Variants in PTPRR observed in about 807,000 individuals in gnomAD.
The protein encoded by PTPRR is protein tyrosine phosphatase receptor type R.
Under a neutral mutation model 77.2 loss-of-function variants are expected in PTPRR, and 38 were observed. The ratio of observed to expected loss-of-function variants is 0.49; its 90% confidence interval spans 0.38 to 0.65. The LOEUF (loss-of-function observed/expected upper bound fraction) is 0.65. Among genes scored for constraint, PTPRR ranks in the 30% least tolerant of loss-of-function variants. PTPRR has a pLI of 0.00. For missense variants in PTPRR, 744 were observed against 799.2 expected (o/e 0.93, Z 0.83); for synonymous variants, 299 against 283.1 (o/e 1.06, Z -0.57).
intron 4 of PTPRR, among the ~76,000 whole-genome samples, chr12:70,757,447 A>G (rs1328029885): frequency 6.6e-6 from 1 of 152,200 alleles, no homozygotes; most frequent in East Asian, 1.9e-4. Context: ...ATTAGGCAAG[A>G]GGAGGTCTAG....
At chr12:70,749,835 G>A (rs554499416) in intron 5 of PTPRR, among the ~76,000 whole-genome samples, 61 of 152,244 alleles carry the variant, frequency 4.0e-4, no homozygotes, top group African/African-American at 1.4e-3. Flanking sequence ...AAGCAATCTG[G>A]CCTGTAGACA....
intron 1 of PTPRR, among the ~76,000 whole-genome samples, chr12:70,915,198 T>C (rs972925937): frequency 6.6e-6 from 1 of 152,130 alleles, no homozygotes; most frequent in Non-Finnish European, 1.5e-5. Flanking sequence ...AATATATAAG[T>C]ACTATAGAAA....
chr12:70,823,383 A>C (rs1275460391), intron 2 of PTPRR, among the ~76,000 whole-genome samples: 1 of 152,180 alleles, frequency 6.6e-6, no homozygotes, highest in Non-Finnish European at 1.5e-5. Flanking sequence ...GGAAGCATCC[A>C]GCCTAGCTGA....
intron 2 of PTPRR, among the ~76,000 whole-genome samples, chr12:70,857,672 A>T (rs1892676269): frequency 6.6e-6 from 1 of 152,146 alleles, no homozygotes; most frequent in East Asian, 1.9e-4. Flanking sequence ...ATCTATATAG[A>T]GTGAATATGG....
intron 2 of PTPRR, among the ~76,000 whole-genome samples, chr12:70,787,157 C>T (rs977159934): frequency 6.6e-6 from 1 of 152,180 alleles, no homozygotes; most frequent in Admixed American, 6.5e-5. Flanking sequence ...TATTACTTCT[C>T]AATTACCACA....
Position 70,716,472 on chromosome 12 carries a change from CT to C in PTPRR, c.1008-15150del, listed in dbSNP as rs570506151. On this transcript the variant is annotated intron_variant, in intron 6 of 13. Transcript: ENST00000283228. ...AGTAGGAAAGGGCAAGATAAATGTACTTTTTTTGTAATATATATGTTTTACA... is the reference window on the plus strand; with the variant it reads ...AGTAGGAAAGGGCAAGATAAATGTACTTTTTTGTAATATATATGTTTTACA... Among the ~76,000 whole-genome samples, 168 of 152,024 alleles carry C rather than the reference CT, an allele frequency of 1.1e-3. 2 individuals are homozygous for C. The highest frequency in any genetic ancestry group is 3.9e-3 in the African/African-American group (163 of 41,462).
Position 70,843,177 on chromosome 12 carries a change from G to C in PTPRR, c.357+49502C>G, listed in dbSNP as rs553200520. 9.2e-5 allele frequency among the ~76,000 whole-genome samples: 14 copies of C among 152,254 alleles called. 1 individual carries two copies. In the South Asian group the frequency reaches 2.7e-3, roughly 29 times the overall value. ...GGCAAAGAGCAGCCACTGAAAAAAG[G>C]ATGTGTTGATTTGTTAAAATAATGA... is the stretch of plus-strand genomic sequence containing the variant. On this transcript the variant is annotated intron_variant, in intron 2 of 13. Transcript: ENST00000283228.
chr12:70,813,723 C>T (rs955886750), intron 2 of PTPRR, among the ~76,000 whole-genome samples: 3 of 152,188 alleles, frequency 2.0e-5, no homozygotes, highest in Admixed American at 6.5e-5. Flanking sequence ...AGAGAGGCCA[C>T]ACATCTCCCC....
intron 2 of PTPRR, among the ~76,000 whole-genome samples, chr12:70,884,439 T>A (rs995243105): frequency 2.0e-5 from 3 of 152,092 alleles, no homozygotes; most frequent in Admixed American, 1.3e-4. Flanking sequence ...GGAGAACAGT[T>A]CTTAACAACT....
chr12:70,887,732 C>A (rs573194205), intron 2 of PTPRR, among the ~76,000 whole-genome samples: 104 of 152,132 alleles, frequency 6.8e-4, no homozygotes, highest in Admixed American at 2.9e-3. Context: ...AAGGCCAGAG[C>A]AGTTTGCAGG....
chr12:70,715,764 C>G (rs1889003865), intron 6 of PTPRR, among the ~76,000 whole-genome samples: 1 of 152,206 alleles, frequency 6.6e-6, no homozygotes. Context: ...CTGAACATTG[C>G]TGTTTTCCTG....
At chr12:70,847,487 T>C (rs1011808514) in intron 2 of PTPRR, among the ~76,000 whole-genome samples, 3 of 152,166 alleles carry the variant, frequency 2.0e-5, no homozygotes, top group African/African-American at 7.2e-5. Flanking sequence ...GAAATTTACA[T>C]CTCAAAATAT....
At chr12:70,759,714 A>T (rs1355859020) in intron 4 of PTPRR, among the ~76,000 whole-genome samples, 1 of 149,830 alleles carries the variant, frequency 6.7e-6, no homozygotes, top group Non-Finnish European at 1.5e-5. Flanking sequence ...AAACAAACGA[A>T]AGGTATGTAG....
intron 2 of PTPRR, among the ~76,000 whole-genome samples, chr12:70,788,157 G>A (rs1280202910): frequency 6.6e-6 from 1 of 152,042 alleles, no homozygotes; most frequent in Non-Finnish European, 1.5e-5. Context: ...CCATATTTAA[G>A]CCAACATTAA....
chr12:70,711,532 G>A (rs1273593890), intron 6 of PTPRR, among the ~76,000 whole-genome samples: 2 of 151,984 alleles, frequency 1.3e-5, no homozygotes, highest in East Asian at 3.9e-4. Flanking sequence ...TAACCTGGGT[G>A]ATGAAATAAT....
intron 2 of PTPRR, among the ~76,000 whole-genome samples, chr12:70,849,967 C>A (rs1383983676): frequency 3.3e-5 from 5 of 152,108 alleles, no homozygotes; most frequent in Non-Finnish European, 5.9e-5. Context: ...TGTTTTTAGT[C>A]TTTACAAAAA....
chr12:70,832,572 C>A (rs1296317364), intron 2 of PTPRR, among the ~76,000 whole-genome samples: 2 of 151,918 alleles, frequency 1.3e-5, no homozygotes, highest in Non-Finnish European at 2.9e-5. Flanking sequence ...TTGCAGGTGA[C>A]ATGGTTAGAT....
intron 2 of PTPRR, among the ~76,000 whole-genome samples, chr12:70,797,174 T>A (rs1194844479): frequency 6.6e-6 from 1 of 152,200 alleles, no homozygotes; most frequent in Non-Finnish European, 1.5e-5. Flanking sequence ...AAATGAATGT[T>A]TACTTGATTC....
chr12:70,819,890 A>T (rs1891974051), intron 2 of PTPRR, among the ~76,000 whole-genome samples: 1 of 152,074 alleles, frequency 6.6e-6, no homozygotes, highest in South Asian at 2.1e-4. Context: ...TTCAGTCTAA[A>T]CTACAGCTAT....
Sources: allele counts gnomAD v4.1 joint callset (sites outside exome capture counted in the v4.1 genomes callset), GRCh38; gene constraint gnomAD v4.1.1; transcripts MANE v1.5; gene names NCBI Gene and HGNC (gene_info 2026-07-23, HGNC 2026-07-21).